PTPRM: variants seen among roughly 807,000 people sequenced by gnomAD.
The protein encoded by PTPRM is protein tyrosine phosphatase receptor type M.
Under a neutral mutation model 186.7 loss-of-function variants are expected in PTPRM, and 47 were observed. The observed-to-expected ratio is 0.25, with a 90% CI of 0.20 to 0.32. The LOEUF is 0.32. Among genes scored for constraint, PTPRM ranks in the 10% least tolerant of loss-of-function variants. The probability of loss-of-function intolerance (pLI) is 1.00; values close to 1 mark genes in which losing one functional copy is unlikely to be tolerated. For missense variants in PTPRM, 1,494 were observed against 1,865.0 expected (o/e 0.80, Z 3.66); for synonymous variants, 668 against 674.9 (o/e 0.99, Z 0.16).
chr18:7,789,853 A>G (rs544599979), intron 2 of PTPRM, among the ~76,000 whole-genome samples: 2 of 152,306 alleles, frequency 1.3e-5, no homozygotes, highest in African/African-American at 4.8e-5. Context: ...GTGTTGTTTC[A>G]TTGCAACCTT....
intron 32 of PTPRM, among the ~76,000 whole-genome samples, chr18:8,397,823 A>T (rs180844459): frequency 2.6e-5 from 4 of 152,238 alleles, no homozygotes; most frequent in African/African-American, 9.6e-5. Context: ...GCTCTGTTTT[A>T]ACATAGAAAT....
chr18:7,929,697 C>T (rs1162142645), intron 5 of PTPRM, among the ~76,000 whole-genome samples: 1 of 152,158 alleles, frequency 6.6e-6, no homozygotes, highest in African/African-American at 2.4e-5. Flanking sequence ...TATATGTGTA[C>T]AAAGCAGTTT....
chr18:8,078,674 T>TA (rs2089963480), intron 9 of PTPRM, among the ~76,000 whole-genome samples: 1 of 152,198 alleles, frequency 6.6e-6, no homozygotes, highest in African/African-American at 2.4e-5. Context: ...TGGTAACTTA[T>TA]AAAGAAAAGA....
intron 2 of PTPRM, among the ~76,000 whole-genome samples, chr18:7,853,172 A>G (rs1040513685): frequency 1.3e-5 from 2 of 152,272 alleles, no homozygotes; most frequent in African/African-American, 4.8e-5. Context: ...AATGTTCTGT[A>G]TGGACATTGG....
chr18:8,307,343 G>C (rs572993208), intron 20 of PTPRM, among the ~76,000 whole-genome samples: 8 of 152,164 alleles, frequency 5.3e-5, no homozygotes, highest in Non-Finnish European at 1.0e-4. Flanking sequence ...CATGTCCCGC[G>C]TTCTCCACCC....
intron 14 of PTPRM, among the ~76,000 whole-genome samples, chr18:8,239,012 T>C (rs2094384614): frequency 6.6e-6 from 1 of 151,010 alleles, no homozygotes; most frequent in Non-Finnish European, 1.5e-5. Flanking sequence ...ATTATTATTA[T>C]ACTTTAAGTT....
intron 14 of PTPRM, among the ~76,000 whole-genome samples, chr18:8,179,300 A>G (rs1425482221): frequency 3.9e-5 from 6 of 152,170 alleles, no homozygotes; most frequent in African/African-American, 1.4e-4. Flanking sequence ...TATGCTCCAA[A>G]TTTTGTTTGT....
At chr18:7,746,801 T>G (rs1032014849) in intron 1 of PTPRM, among the ~76,000 whole-genome samples, 1 of 152,164 alleles carries the variant, frequency 6.6e-6, no homozygotes, top group East Asian at 1.9e-4. Flanking sequence ...GTAAGACGCT[T>G]CCTTTCCACA....
intron 19 of PTPRM, among the ~76,000 whole-genome samples, chr18:8,278,204 G>T (rs764578011): frequency 9.9e-5 from 15 of 152,176 alleles, no homozygotes; most frequent in Non-Finnish European, 2.2e-4. Context: ...TATCTATACA[G>T]CAGGCAAAGT....
intron 2 of PTPRM, among the ~76,000 whole-genome samples, chr18:7,792,201 A>C (rs2145218557): frequency 6.6e-6 from 1 of 152,336 alleles, no homozygotes; most frequent in South Asian, 2.1e-4. Context: ...CATAATTTAA[A>C]GCTGTTGGTA....
At chr18:8,070,058 G>C in intron 8 of PTPRM, 64 bp downstream of exon 8, 2 of 1,436,214 alleles carry the variant, frequency 1.4e-6, no homozygotes, top group Non-Finnish European at 1.9e-6. Context: ...CTTTTGTTTC[G>C]AGATCTTTGC....
chr18:7,665,911 ACT>A (rs2039084863), intron 1 of PTPRM, among the ~76,000 whole-genome samples: 1 of 151,400 alleles, frequency 6.6e-6, no homozygotes, highest in South Asian at 2.1e-4. Context: ...ACAGAGCAAG[ACT>A]CTGTCTCAAA....
At chr18:8,085,641 A>G in intron 9 of PTPRM, 30 bp from the exon 10 acceptor site, 1 of 1,544,762 alleles carries the variant, frequency 6.5e-7, no homozygotes, top group South Asian at 1.1e-5. Context: ...TCTGCTCCAG[A>G]TATTTTATCA....
chr18:8,014,734 G>A (rs2084753626), intron 7 of PTPRM, among the ~76,000 whole-genome samples: 2 of 152,178 alleles, frequency 1.3e-5, no homozygotes, highest in South Asian at 2.1e-4. Flanking sequence ...ACCCTTGTGC[G>A]TATCTCACAT....
At chr18:7,891,288 GA>G (rs1419496407) in intron 3 of PTPRM, among the ~76,000 whole-genome samples, 1 of 148,832 alleles carries the variant, frequency 6.7e-6, no homozygotes, top group Non-Finnish European at 1.5e-5. Flanking sequence ...CTTGCCTCAA[GA>G]AAAAAAATAA....
intron 7 of PTPRM, among the ~76,000 whole-genome samples, chr18:8,008,617 A>T (rs141844482): frequency 5.3e-5 from 8 of 152,268 alleles, no homozygotes; most frequent in Non-Finnish European, 1.0e-4. Flanking sequence ...AGACAAAATA[A>T]TGAATTGTTC....
chr18:7,632,238 G>A (rs1021655661), intron 1 of PTPRM, among the ~76,000 whole-genome samples: 1 of 152,134 alleles, frequency 6.6e-6, no homozygotes, highest in Non-Finnish European at 1.5e-5. Context: ...TGTTTTTCTG[G>A]ATCAATGGCT....
chr18:7,719,132 T>C (rs907053788), intron 1 of PTPRM, among the ~76,000 whole-genome samples: 1 of 152,094 alleles, frequency 6.6e-6, no homozygotes, highest in Non-Finnish European at 1.5e-5. Context: ...ATTGTAAAAA[T>C]ACAGAACCAA....
chr18:7,935,488 A>G (rs979084604), intron 5 of PTPRM, among the ~76,000 whole-genome samples: 1 of 152,158 alleles, frequency 6.6e-6, no homozygotes, highest in Non-Finnish European at 1.5e-5. Context: ...ACTCTAGAAG[A>G]AATTAATTAA....
Sources: gnomAD v4.1 joint callset for allele counts (sites outside exome capture counted in the v4.1 genomes callset) on GRCh38, gnomAD v4.1.1 for gene constraint, MANE v1.5 for transcripts, NCBI Gene and HGNC (gene_info 2026-07-23, HGNC 2026-07-21) for gene names.